Variants in UHRF2 observed in about 807,000 individuals in gnomAD.
UHRF2 encodes the protein ubiquitin like with PHD and ring finger domains 2.
In UHRF2, 23 loss-of-function variants were observed where a neutral mutation model predicts 96.8. The observed-to-expected ratio is 0.24, with a 90% CI of 0.17 to 0.34. UHRF2 has a LOEUF of 0.34. Ranked by LOEUF, UHRF2 falls within the 10% of genes least tolerant of loss-of-function variation. The probability of loss-of-function intolerance (pLI) is 1.00; values close to 1 mark genes in which losing one functional copy is unlikely to be tolerated. For missense variants in UHRF2, 685 were observed against 981.5 expected, an observed-to-expected ratio of 0.70 and a Z score of 4.04; for synonymous variants, 385 against 332.6, an observed-to-expected ratio of 1.16 and a Z score of -1.72.
chr9:6,422,262 A>G (rs1054447438), intron 2 of UHRF2, among the ~76,000 whole-genome samples: 10 of 151,406 alleles, frequency 6.6e-5, no homozygotes, highest in African/African-American at 1.5e-4. Context: ...TTATATTTCC[A>G]GTAGAGACGG....
chr9:6,489,634 G>A (rs1229455033), intron 9 of UHRF2, among the ~76,000 whole-genome samples: 1 of 151,334 alleles, frequency 6.6e-6, no homozygotes, highest in Non-Finnish European at 1.5e-5. Context: ...ATATCTTATT[G>A]TTGGACGTGA....
intron 4 of UHRF2, among the ~76,000 whole-genome samples, chr9:6,467,296 C>A (rs1488257189): frequency 6.6e-6 from 1 of 152,212 alleles, no homozygotes; most frequent in Non-Finnish European, 1.5e-5. Context: ...TTTGTGGCTA[C>A]ATCCCCTTCA....
At chr9:6,474,304 C>T (rs1313250744) in intron 4 of UHRF2, among the ~76,000 whole-genome samples, 1 of 152,116 alleles carries the variant, frequency 6.6e-6, no homozygotes, top group Non-Finnish European at 1.5e-5. Flanking sequence ...CAAGTGCTAA[C>T]CAAAAGAAAG....
chr9:6,460,560 T>A lies in UHRF2; in HGVS notation c.645-13T>A, dbSNP rs776756711. The A allele has an allele frequency of 6.3e-7, 1 of 1,585,548 alleles. No individual in the cohort carries two copies. The highest frequency in any genetic ancestry group is 1.1e-5 in the South Asian group (1 of 88,262). ...TTGGTAATCATAAGCCATATGGTTT[T>A]CTCTCTCCTCAGATACCCAGAAAGC... On this transcript the variant is annotated splice_polypyrimidine_tract_variant and intron_variant, in intron 3 of 15. Coordinates refer to ENST00000276893, the MANE Select transcript of UHRF2 (RefSeq NM_152896.3).
At chr9:6,481,929 A>AT in intron 7 of UHRF2, 63 bp from the exon 8 acceptor site, 1 of 1,582,994 alleles carries the variant, frequency 6.3e-7, no homozygotes, top group Non-Finnish European at 8.6e-7. Context: ...ACATCTCAGA[A>AT]TTAAGGGCTT....
chr9:6,438,763 A>G (rs1300209378), intron 3 of UHRF2, among the ~76,000 whole-genome samples: 3 of 152,216 alleles, frequency 2.0e-5, no homozygotes, highest in Non-Finnish European at 2.9e-5. Context: ...ACTAGACCAG[A>G]TTATCAGTCT....
chr9:6,463,730 C>T (rs1363938622), intron 4 of UHRF2, among the ~76,000 whole-genome samples: 1 of 151,978 alleles, frequency 6.6e-6, no homozygotes, highest in Admixed American at 6.5e-5. Flanking sequence ...CTCAGTCTCC[C>T]AAAGTGGTAG....
In UHRF2 at chr9:6,429,586, C is replaced by A. The variant is rs1360568577; in HGVS notation, c.385-4328C>A. 2.0e-5 allele frequency among the ~76,000 whole-genome samples: 3 copies of A among 152,186 alleles called. No individual in the cohort carries two copies. In the East Asian group the frequency reaches 5.8e-4, roughly 29 times the overall value. ...CCTCAGGTGCTCCACCTGCCTCGGC[C>A]TCCCGAAGTGCTGGAATTACAGGCA... On this transcript the variant is annotated intron_variant, in intron 2 of 15. Transcript: ENST00000276893.
intron 3 of UHRF2, among the ~76,000 whole-genome samples, chr9:6,457,269 A>G (rs1192962077): frequency 2.0e-5 from 3 of 152,090 alleles, no homozygotes; most frequent in Non-Finnish European, 2.9e-5. Context: ...CTTTGTAGCA[A>G]TTGTGAATGG....
chr9:6,413,584 G>C lies in UHRF2; in HGVS notation c.94G>C (p.Val32Leu). 1 of 1,603,524 alleles carries C rather than the reference G, an allele frequency of 6.2e-7. No individual in the cohort carries two copies. Among genetic ancestry groups the C allele is most frequent in the Non-Finnish European group, 8.5e-7 (1 of 1,175,496 alleles). The change falls in exon 1 of 16, where the codon GTG becomes CTG. Residue 32 changes from valine to leucine, a missense_variant. This residue lies in a region of UHRF2 where 13 missense variants were observed against 37.3 expected (regional missense o/e 0.35). Coordinates refer to ENST00000276893, the MANE Select transcript of UHRF2 (RefSeq NM_152896.3). ...CACGATTGAGGAGCTGCGCGAGCGGGTGTGGGCGCTGTTCGACGTGCGGCC... is the reference window on the plus strand; with the variant it reads ...CACGATTGAGGAGCTGCGCGAGCGGCTGTGGGCGCTGTTCGACGTGCGGCC... ...KATIEELRER[V>L]WALFDVRPEC...
chr9:6,500,206 G>C (rs531500679), intron 13 of UHRF2, among the ~76,000 whole-genome samples: 4 of 152,220 alleles, frequency 2.6e-5, no homozygotes, highest in Admixed American at 2.6e-4. Context: ...GGGCTGAAGG[G>C]ATCCTCCTGC....
intron 3 of UHRF2, among the ~76,000 whole-genome samples, chr9:6,456,373 T>G (rs1822176016): frequency 6.6e-6 from 1 of 152,226 alleles, no homozygotes; most frequent in Non-Finnish European, 1.5e-5. Flanking sequence ...GCCCACTTTT[T>G]GATGGGGTGG....
chr9:6,437,309 T>C (rs1217839639), intron 3 of UHRF2, among the ~76,000 whole-genome samples: 1 of 152,216 alleles, frequency 6.6e-6, no homozygotes, highest in East Asian at 1.9e-4. Context: ...CTCGGCTCGC[T>C]GCAACCTCTG....
At position 6,477,922 on chromosome 9, in the gene UHRF2, T is replaced by A. The variant is rs1360945199; in HGVS notation, c.1160+114T>A. ...ACATAATATAAAAGTGCTTAAAATGTTATGGCCAGTGGTTACTTAGCATTC... is the reference window on the plus strand; with the variant it reads ...ACATAATATAAAAGTGCTTAAAATGATATGGCCAGTGGTTACTTAGCATTC... On this transcript the variant is annotated intron_variant, in intron 6 of 15. Coordinates refer to ENST00000276893, the MANE Select transcript of UHRF2 (RefSeq NM_152896.3). 3.3e-6 allele frequency: 3 copies of A among 898,670 alleles called. No homozygotes were observed. In the African/African-American group the frequency reaches 5.1e-5, roughly 15 times the overall value. The allele number at this position is 898,670 out of a possible 1,614,324, so 55.7% of individuals were successfully genotyped here. A position where few individuals can be genotyped will look rare whatever the true frequency, so the allele number is the denominator to read the frequency against.
intron 4 of UHRF2, chr9:6,468,638 T>G (rs1409240252): frequency 2.2e-6 from 1 of 455,952 alleles, no homozygotes; most frequent in Non-Finnish European, 4.4e-6. Context: ...CTCAAGCATA[T>G]GGCCTGCTTT....
At position 6,485,936 on chromosome 9, in the gene UHRF2, G is replaced by A. The variant is rs1024030236; in HGVS notation, c.1393-885G>A. On this transcript the variant is annotated intron_variant, in intron 8 of 15. Transcript: ENST00000276893. ...CTTGTTTCAGTGAGGCAGGAATGAA[G>A]ATATGAGGGGAAAAGCCGTCATCCA... Among the ~76,000 whole-genome samples, 11 of 151,738 alleles carry A rather than the reference G, an allele frequency of 7.2e-5. No homozygotes were observed. In the Middle Eastern group the frequency reaches 0.01, roughly 144 times the overall value.
At chr9:6,459,680 CA>C (rs1822406584) in intron 3 of UHRF2, among the ~76,000 whole-genome samples, 1 of 152,076 alleles carries the variant, frequency 6.6e-6, no homozygotes, top group African/African-American at 2.4e-5. Flanking sequence ...CAAAACAAAA[CA>C]AAAAACTTGA....
At chr9:6,421,964 C>A (rs1368013735) in intron 2 of UHRF2, among the ~76,000 whole-genome samples, 4 of 152,102 alleles carry the variant, frequency 2.6e-5, no homozygotes, top group African/African-American at 9.7e-5. Context: ...TATGTCATTC[C>A]ATTTTATTAA....
intron 1 of UHRF2, among the ~76,000 whole-genome samples, chr9:6,416,983 A>C (rs989609003): frequency 1.2e-4 from 18 of 152,314 alleles, no homozygotes; most frequent in African/African-American, 4.3e-4. Flanking sequence ...CTTGGTTTTC[A>C]CACAGAATAT....
Sources: gnomAD v4.1 joint callset for allele counts (sites outside exome capture counted in the v4.1 genomes callset) on GRCh38, gnomAD v4.1.1 for gene constraint, gnomAD v4.1.1 regional missense constraint, MANE v1.5 for transcripts, NCBI Gene and HGNC (gene_info 2026-07-23, HGNC 2026-07-21) for gene names.